Variants in CLDN9 observed in about 807,000 individuals in gnomAD.
The protein encoded by CLDN9 is claudin 9.
Under a neutral mutation model 10.1 loss-of-function variants are expected in CLDN9, and 14 were observed. That is an observed-to-expected ratio of 1.38 (90% CI 0.91 to 2.16). The LOEUF (loss-of-function observed/expected upper bound fraction) is 2.16, where lower values mean the gene tolerates loss of function less well. CLDN9 is among the 30% of genes most tolerant of loss of function. The pLI is 0.00. For synonymous variants in CLDN9, 162 were observed against 143.1 expected (o/e 1.13, Z -0.95); for missense variants, 332 against 294.8 (o/e 1.13, Z -0.93).
rs1238909529 is a variant in CLDN9, at chr16:3,013,610, T to G, written c.248T>G (p.Leu83Arg). Residue 83 changes from leucine to arginine, a missense_variant, in exon 1 of 1, where the codon CTC (leucine) becomes CGC (arginine). Leu to Arg is a moderately radical substitution (Grantham distance 102). Coordinates refer to ENST00000445369, the MANE Select transcript of CLDN9 (RefSeq NM_020982.4). This position sits in a 1 kb window ranked among gnomAD's most constrained non-coding sequence, Gnocchi z 6.4. ...CAGGACCTGCAGGCCGCACGTGCCCTCTGTGTCATTGCCCTCCTGCTGGCC... is the reference window on the plus strand; with the variant it reads ...CAGGACCTGCAGGCCGCACGTGCCCGCTGTGTCATTGCCCTCCTGCTGGCC... ...LPQDLQAARA[L>R]CVIALLLALL... The G allele has an allele frequency of 6.2e-7, 1 of 1,613,904 alleles. No individual in the cohort carries two copies. The highest frequency in any genetic ancestry group is 8.5e-7 in the Non-Finnish European group (1 of 1,179,938).
chr16:3,013,384 C>G lies in CLDN9; in HGVS notation c.22C>G (p.Leu8Val). ...CCAGATGGCTTCGACCGGCTTAGAA[C>G]TGCTGGGCATGACCCTGGCTGTGCT... The part of the protein sequence containing the change: MASTGLE[L>V]LGMTLAVLGW... The change falls in exon 1 of 1, where the codon CTG (leucine) becomes GTG (valine). Residue 8 changes from leucine to valine, a missense_variant. Physicochemically the swap from Leu to Val is conservative, Grantham distance 32. Coordinates refer to ENST00000445369, the MANE Select transcript of CLDN9 (RefSeq NM_020982.4). This position sits in a 1 kb window ranked among gnomAD's most constrained non-coding sequence, Gnocchi z 6.4. 6.2e-7 allele frequency: 1 copy of G among 1,613,358 alleles called. No homozygotes were observed. The highest frequency in any genetic ancestry group is 8.5e-7 in the Non-Finnish European group (1 of 1,179,908).
chr16:3,013,196 C>T lies in CLDN9; in HGVS notation c.-167C>T, dbSNP rs1463130231. 25 of 709,562 alleles carry T rather than the reference C, an allele frequency of 3.5e-5. 1 individual carries two copies. The highest frequency in any genetic ancestry group is 1.2e-4 in the South Asian group (6 of 51,638). The allele number at this position is 709,562 out of a possible 1,614,324, so 44.0% of individuals were successfully genotyped here. On this transcript the variant is annotated 5_prime_UTR_variant, in exon 1 of 1. Coordinates refer to ENST00000445369, the MANE Select transcript of CLDN9 (RefSeq NM_020982.4). The surrounding 1 kb of genome is among the most constrained non-coding windows in gnomAD (Gnocchi z 6.4). ...ACCTGCAAGAGGCACGGAGAGGAGG[C>T]GCCTTTCAAGAGGCGCCTTTCATGG...
At position 3,013,412 on chromosome 16, in the gene CLDN9, G is replaced by C. The variant is rs772684061; in HGVS notation, c.50G>C (p.Gly17Ala). ...CTGGGCATGACCCTGGCTGTGCTGG[G>C]CTGGCTGGGGACCCTGGTGTCCTGC... Reference protein sequence around the residue: ...ELLGMTLAVLGWLGTLVSCAL... With the variant: ...ELLGMTLAVLAWLGTLVSCAL... The change falls in exon 1 of 1, where the codon GGC (glycine) becomes GCC (alanine). Residue 17 changes from glycine to alanine, a missense_variant. Transcript: ENST00000445369. This position sits in a 1 kb window ranked among gnomAD's most constrained non-coding sequence, Gnocchi z 6.4. 4.3e-6 allele frequency: 7 copies of C among 1,613,986 alleles called. No homozygotes were observed. The Admixed American group carries it at 1.2e-4, about 27-fold the overall frequency.
chr16:3,013,563 C>T lies in CLDN9; in HGVS notation c.201C>T (p.Tyr67=), dbSNP rs374973139. 84 of 1,613,870 alleles carry T rather than the reference C, an allele frequency of 5.2e-5. No individual in the cohort carries two copies. Among genetic ancestry groups the T allele is most frequent in the Non-Finnish European group, 6.4e-5 (75 of 1,180,006 alleles). Reference sequence around the variant, plus strand: ...CGGGCCAGATGCAGTGCAAGGTGTACGACTCACTGCTGGCTCTGCCGCAGG... The same window carrying T: ...CGGGCCAGATGCAGTGCAAGGTGTATGACTCACTGCTGGCTCTGCCGCAGG... ...QSTGQMQCKV[Y]DSLLALPQDL... is the part of the protein sequence containing the mutation. Residue 67 remains tyrosine, a synonymous_variant, in exon 1 of 1, where the codon TAC becomes TAT. Transcript: ENST00000445369. The surrounding 1 kb of genome is among the most constrained non-coding windows in gnomAD (Gnocchi z 6.4).
rs1339674507 is a variant in CLDN9, at chr16:3,013,850, C to A, written c.488C>A (p.Ser163Tyr). 1 of 1,612,422 alleles carries A rather than the reference C, an allele frequency of 6.2e-7. No homozygotes were observed. Among genetic ancestry groups the A allele is most frequent in the Admixed American group, 1.7e-5 (1 of 59,998 alleles). ...AEALKRELGA[S>Y]LYLGWAAAAL... ...GCCCTCAAGCGGGAGCTGGGGGCCT[C>A]CCTCTACCTGGGCTGGGCGGCGGCT... The change falls in exon 1 of 1, where the codon TCC becomes TAC. Residue 163 changes from serine (S) to tyrosine (Y), a missense_variant. Transcript: ENST00000445369. The surrounding 1 kb of genome is among the most constrained non-coding windows in gnomAD (Gnocchi z 6.4).
chr16:3,013,676 C>A lies in CLDN9; in HGVS notation c.314C>A (p.Thr105Asn). The A allele has an allele frequency of 6.2e-7, 1 of 1,613,938 alleles. No homozygotes were observed. The highest frequency in any genetic ancestry group is 8.5e-7 in the Non-Finnish European group (1 of 1,180,004). ...GTGGCCATCACAGGTGCCCAGTGTA[C>A]CACGTGTGTGGAGGACGAAGGTGCC... ...LLVAITGAQC[T>N]TCVEDEGAKA... The change falls in exon 1 of 1, where the codon ACC becomes AAC. Residue 105 changes from threonine (T) to asparagine (N), a missense_variant. Physicochemically the swap from Thr to Asn is moderately conservative, Grantham distance 65 (BLOSUM62 0). Transcript: ENST00000445369. The surrounding 1 kb of genome is among the most constrained non-coding windows in gnomAD (Gnocchi z 6.4).
Position 3,013,897 on chromosome 16 carries a change from G to C in CLDN9, c.535G>C (p.Gly179Arg). 1 of 1,608,262 alleles carries C rather than the reference G, an allele frequency of 6.2e-7. No homozygotes were observed. The highest frequency in any genetic ancestry group is 2.2e-5 in the East Asian group (1 of 44,782). The change falls in exon 1 of 1, where the codon GGG becomes CGG. Residue 179 changes from glycine (G) to arginine (R), a missense_variant. By Grantham distance (125) the Gly-to-Arg change is moderately radical (BLOSUM62 -2). Coordinates refer to ENST00000445369, the MANE Select transcript of CLDN9 (RefSeq NM_020982.4). The surrounding 1 kb of genome is among the most constrained non-coding windows in gnomAD (Gnocchi z 6.4). The stretch of plus-strand genomic sequence containing the variant: ...GGCTGCACTGCTTATGCTGGGCGGG[G>C]GGCTCCTCTGCTGCACGTGCCCCCC... ...AAAALLMLGG[G>R]LLCCTCPPPQ...
At position 3,013,385 on chromosome 16, in the gene CLDN9, T is replaced by G. The variant is rs749501404; in HGVS notation, c.23T>G (p.Leu8Arg). ...CAGATGGCTTCGACCGGCTTAGAAC[T>G]GCTGGGCATGACCCTGGCTGTGCTG... MASTGLE[L>R]LGMTLAVLGW... is the part of the protein sequence containing the mutation. Residue 8 changes from leucine to arginine, a missense_variant, in exon 1 of 1, where the codon CTG (leucine) becomes CGG (arginine). By Grantham distance (102) the Leu-to-Arg change is moderately radical. Transcript: ENST00000445369. The surrounding 1 kb of genome is among the most constrained non-coding windows in gnomAD (Gnocchi z 6.4). The G allele has an allele frequency of 1.2e-6, 2 of 1,613,512 alleles. No individual in the cohort carries two copies. Among genetic ancestry groups the G allele is most frequent in the South Asian group, 2.2e-5 (2 of 91,060 alleles).
chr16:3,013,265 C>G lies in CLDN9; in HGVS notation c.-98C>G. 7.2e-7 allele frequency: 1 copy of G among 1,391,408 alleles called. No homozygotes were observed. The highest frequency in any genetic ancestry group is 9.6e-7 in the Non-Finnish European group (1 of 1,039,370). The allele number at this position is 1,391,408 out of a possible 1,614,324, so 86.2% of individuals were successfully genotyped here. A position where few individuals can be genotyped will look rare whatever the true frequency, so the allele number is the denominator to read the frequency against. Reference sequence around the variant, plus strand: ...CTTGGGGACACCAACAAGCCTTCCCCCTCCTGCTGGACACAGAGACACCCA... The same window carrying G: ...CTTGGGGACACCAACAAGCCTTCCCGCTCCTGCTGGACACAGAGACACCCA... On this transcript the variant is annotated 5_prime_UTR_variant, in exon 1 of 1. Coordinates refer to ENST00000445369, the MANE Select transcript of CLDN9 (RefSeq NM_020982.4). The surrounding 1 kb of genome is among the most constrained non-coding windows in gnomAD (Gnocchi z 6.4).
chr16:3,013,548 G>A lies in CLDN9; in HGVS notation c.186G>A (p.Met62Ile). ...GCGTGGTGCAGAGCACGGGCCAGAT[G>A]CAGTGCAAGGTGTACGACTCACTGC... ...MSCVVQSTGQMQCKVYDSLLA... is the reference protein window; with the variant it reads ...MSCVVQSTGQIQCKVYDSLLA... The change falls in exon 1 of 1, where the codon ATG (methionine) becomes ATA (isoleucine). Residue 62 changes from methionine to isoleucine, a missense_variant. Met to Ile is a conservative substitution (Grantham distance 10). Coordinates refer to ENST00000445369, the MANE Select transcript of CLDN9 (RefSeq NM_020982.4). This position sits in a 1 kb window ranked among gnomAD's most constrained non-coding sequence, Gnocchi z 6.4. The A allele has an allele frequency of 6.2e-7, 1 of 1,614,018 alleles. No homozygotes were observed. The highest frequency in any genetic ancestry group is 8.5e-7 in the Non-Finnish European group (1 of 1,180,006).
Position 3,014,057 on chromosome 16 carries a change from C to T in CLDN9, c.*41C>T. On this transcript the variant is annotated 3_prime_UTR_variant, in exon 1 of 1. Coordinates refer to ENST00000445369, the MANE Select transcript of CLDN9 (RefSeq NM_020982.4). ...TGGGAGCCCACTGCTCCCCACTGCC[C>T]CGCCCTTTCGACCTTGGCCTGATGA... is the stretch of plus-strand genomic sequence containing the variant. The T allele has an allele frequency of 6.6e-7, 1 of 1,506,822 alleles. No individual in the cohort carries two copies. The highest frequency in any genetic ancestry group is 8.9e-7 in the Non-Finnish European group (1 of 1,127,520). 93.3% of individuals were successfully genotyped at this position (1,506,822 alleles called of 1,614,324 possible).
At position 3,013,655 on chromosome 16, in the gene CLDN9, C is replaced by T; in HGVS notation, c.293C>T (p.Ala98Val). 3 of 1,613,956 alleles carry T rather than the reference C, an allele frequency of 1.9e-6. No homozygotes were observed. The highest frequency in any genetic ancestry group is 2.5e-6 in the Non-Finnish European group (3 of 1,179,996). Reference sequence around the variant, plus strand: ...CTGGCCCTGCTTGGCCTCCTGGTGGCCATCACAGGTGCCCAGTGTACCACG... The same window carrying T: ...CTGGCCCTGCTTGGCCTCCTGGTGGTCATCACAGGTGCCCAGTGTACCACG... ...LLLALLGLLV[A>V]ITGAQCTTCV... Residue 98 changes from alanine (A) to valine (V), a missense_variant, in exon 1 of 1, where the codon GCC becomes GTC. By Grantham distance (64) the Ala-to-Val change is moderately conservative (BLOSUM62 0). Transcript: ENST00000445369. The surrounding 1 kb of genome is among the most constrained non-coding windows in gnomAD (Gnocchi z 6.4).
In CLDN9 at chr16:3,013,441, C is replaced by T; in HGVS notation, c.79C>T (p.Leu27=). The change falls in exon 1 of 1, where the codon CTG becomes TTG. Residue 27 remains leucine, a synonymous_variant. Transcript: ENST00000445369. The surrounding 1 kb of genome is among the most constrained non-coding windows in gnomAD (Gnocchi z 6.4). ...GCTGGGGACCCTGGTGTCCTGCGCC[C>T]TGCCCCTGTGGAAGGTGACCGCCTT... ...GWLGTLVSCA[L]PLWKVTAFIG... 6.2e-7 allele frequency: 1 copy of T among 1,614,152 alleles called. No individual in the cohort carries two copies. The highest frequency in any genetic ancestry group is 8.5e-7 in the Non-Finnish European group (1 of 1,180,030).
chr16:3,013,709 G>A lies in CLDN9; in HGVS notation c.347G>A (p.Arg116His), dbSNP rs377171800. 240 of 1,613,710 alleles carry A rather than the reference G, an allele frequency of 1.5e-4. No individual in the cohort carries two copies. The highest frequency in any genetic ancestry group is 1.9e-4 in the Non-Finnish European group (219 of 1,179,976). The part of the protein sequence containing the change: ...TCVEDEGAKA[R>H]IVLTAGVILL... ...GTGGAGGACGAAGGTGCCAAGGCCC[G>A]TATCGTGCTCACCGCGGGGGTCATC... Residue 116 changes from arginine to histidine, a missense_variant, in exon 1 of 1, where the codon CGT (arginine) becomes CAT (histidine). Arg to His is a conservative substitution (Grantham distance 29). Coordinates refer to ENST00000445369, the MANE Select transcript of CLDN9 (RefSeq NM_020982.4). The surrounding 1 kb of genome is among the most constrained non-coding windows in gnomAD (Gnocchi z 6.4).
chr16:3,014,059 G>C lies in CLDN9; in HGVS notation c.*43G>C. ...GGAGCCCACTGCTCCCCACTGCCCC[G>C]CCCTTTCGACCTTGGCCTGATGACC... On this transcript the variant is annotated 3_prime_UTR_variant, in exon 1 of 1. Coordinates refer to ENST00000445369, the MANE Select transcript of CLDN9 (RefSeq NM_020982.4). The C allele has an allele frequency of 6.6e-7, 1 of 1,504,932 alleles. No homozygotes were observed. The highest frequency in any genetic ancestry group is 8.9e-7 in the Non-Finnish European group (1 of 1,126,282). The allele number at this position is 1,504,932 out of a possible 1,614,324, so 93.2% of individuals were successfully genotyped here. A position where few individuals can be genotyped will look rare whatever the true frequency, so the allele number is the denominator to read the frequency against.
chr16:3,013,262 C>T lies in CLDN9; in HGVS notation c.-101C>T, dbSNP rs371752851. 4.9e-4 allele frequency: 666 copies of T among 1,369,936 alleles called. 4 individuals are homozygous for T. The highest frequency in any genetic ancestry group is 4.7e-4 in the Non-Finnish European group (485 of 1,022,000). 84.9% of individuals were successfully genotyped at this position (1,369,936 alleles called of 1,614,324 possible). ...TGGCTTGGGGACACCAACAAGCCTT[C>T]CCCCTCCTGCTGGACACAGAGACAC... On this transcript the variant is annotated 5_prime_UTR_variant, in exon 1 of 1. Transcript: ENST00000445369. This position sits in a 1 kb window ranked among gnomAD's most constrained non-coding sequence, Gnocchi z 6.4.
Position 3,013,550 on chromosome 16 carries a change from A to C in CLDN9, c.188A>C (p.Gln63Pro), listed in dbSNP as rs1166219712. ...SCVVQSTGQM[Q>P]CKVYDSLLAL... is the part of the protein sequence containing the mutation. ...GTGGTGCAGAGCACGGGCCAGATGCAGTGCAAGGTGTACGACTCACTGCTG... is the reference window on the plus strand; with the variant it reads ...GTGGTGCAGAGCACGGGCCAGATGCCGTGCAAGGTGTACGACTCACTGCTG... Residue 63 changes from glutamine (Q) to proline (P), a missense_variant, in exon 1 of 1, where the codon CAG (glutamine) becomes CCG (proline). Coordinates refer to ENST00000445369, the MANE Select transcript of CLDN9 (RefSeq NM_020982.4). The surrounding 1 kb of genome is among the most constrained non-coding windows in gnomAD (Gnocchi z 6.4). The C allele has an allele frequency of 1.9e-6, 3 of 1,613,864 alleles. No homozygotes were observed. The highest frequency in any genetic ancestry group is 2.7e-5 in the African/African-American group (2 of 74,920).
Position 3,013,292 on chromosome 16 carries a change from C to A in CLDN9, c.-71C>A. On this transcript the variant is annotated 5_prime_UTR_variant, in exon 1 of 1. Transcript: ENST00000445369. This position sits in a 1 kb window ranked among gnomAD's most constrained non-coding sequence, Gnocchi z 6.4. ...TCCTGCTGGACACAGAGACACCCAC[C>A]CAGCACACCAGACACACCCTCTGAG... The A allele has an allele frequency of 6.7e-7, 1 of 1,499,838 alleles. No individual in the cohort carries two copies. The highest frequency in any genetic ancestry group is 2.4e-5 in the East Asian group (1 of 42,130). 92.9% of individuals were successfully genotyped at this position (1,499,838 alleles called of 1,614,324 possible). A position where few individuals can be genotyped will look rare whatever the true frequency, so the allele number is the denominator to read the frequency against.
chr16:3,014,086 G>C lies in CLDN9; in HGVS notation c.*70G>C. 1.4e-6 allele frequency: 2 copies of C among 1,451,056 alleles called. No homozygotes were observed. The highest frequency in any genetic ancestry group is 2.9e-5 in the South Asian group (2 of 68,314). 89.9% of individuals were successfully genotyped at this position (1,451,056 alleles called of 1,614,324 possible). A position where few individuals can be genotyped will look rare whatever the true frequency, so the allele number is the denominator to read the frequency against. On this transcript the variant is annotated 3_prime_UTR_variant, in exon 1 of 1. Coordinates refer to ENST00000445369, the MANE Select transcript of CLDN9 (RefSeq NM_020982.4). ...CCTTTCGACCTTGGCCTGATGACCA[G>C]ATGCCCTGCTCCATCACAACCTCCT...
Sources: allele counts gnomAD v4.1 joint callset, GRCh38; gene constraint gnomAD v4.1.1; non-coding constraint Gnocchi (gnomAD v3.1); transcripts MANE v1.5; gene names NCBI Gene and HGNC (gene_info 2026-07-23, HGNC 2026-07-21).